The following LRRC4C variants were observed in gnomAD, a reference collection of about 807,000 sequenced individuals.
LRRC4C encodes leucine-rich repeat-containing protein 4C.
Under a neutral mutation model 33.6 loss-of-function variants are expected in LRRC4C, and 5 were observed. The observed-to-expected ratio is 0.15, with a 90% CI of 0.08 to 0.31. LRRC4C has a LOEUF of 0.31. LRRC4C is among the 10% of genes least tolerant of loss of function. LRRC4C has a pLI of 1.00. For synonymous variants in LRRC4C, 329 were observed against 302.0 expected (o/e 1.09, Z -0.93); for missense variants, 560 against 796.7 (o/e 0.70, Z 3.58).
chr11:40,954,503 C>T (rs1250541803), intron 1 of LRRC4C, among the ~76,000 whole-genome samples: 1 of 151,824 alleles, frequency 6.6e-6, no homozygotes, highest in Non-Finnish European at 1.5e-5. Flanking sequence ...ACAACACTCT[C>T]TTATTTGAGT....
intron 5 of LRRC4C, among the ~76,000 whole-genome samples, chr11:40,177,176 A>C (rs1261671152): frequency 6.6e-6 from 1 of 151,574 alleles, no homozygotes; most frequent in Non-Finnish European, 1.5e-5. Context: ...GATGGTCTTG[A>C]TCTCCTGACT....
At chr11:41,031,098 C>T (rs149536805) in intron 1 of LRRC4C, among the ~76,000 whole-genome samples, 55 of 152,052 alleles carry the variant, frequency 3.6e-4, no homozygotes, top group African/African-American at 1.3e-3. Flanking sequence ...AAAACTCATG[C>T]TATTGCTTTC....
At chr11:40,410,816 T>C (rs543598462) in intron 3 of LRRC4C, among the ~76,000 whole-genome samples, 25 of 152,280 alleles carry the variant, frequency 1.6e-4, no homozygotes, top group South Asian at 6.2e-4. Context: ...TGTCATGTTT[T>C]TTTGCTATAG....
chr11:40,430,034 G>T (rs1217287403), intron 3 of LRRC4C, among the ~76,000 whole-genome samples: 1 of 152,072 alleles, frequency 6.6e-6, no homozygotes, highest in Non-Finnish European at 1.5e-5. Flanking sequence ...TCACATTCAA[G>T]ACCAAACAAA....
chr11:40,718,127 T>A (rs1304667974), intron 2 of LRRC4C, among the ~76,000 whole-genome samples: 1 of 152,168 alleles, frequency 6.6e-6, no homozygotes. Context: ...GCCTATGTAA[T>A]CATTTCTGAA....
chr11:40,441,959 G>A (rs914992393), intron 3 of LRRC4C, among the ~76,000 whole-genome samples: 13 of 151,930 alleles, frequency 8.6e-5, no homozygotes, highest in Admixed American at 1.3e-4. Flanking sequence ...TCAGGAGATC[G>A]AGACCATCTT....
chr11:41,387,681 A>C (rs1419249545), intron 1 of LRRC4C, among the ~76,000 whole-genome samples: 1 of 151,764 alleles, frequency 6.6e-6, no homozygotes, highest in South Asian at 2.1e-4. Flanking sequence ...TAATAACTGT[A>C]AACAAAATGT....
At chr11:41,278,187 G>A (rs918523770) in intron 1 of LRRC4C, among the ~76,000 whole-genome samples, 9 of 152,104 alleles carry the variant, frequency 5.9e-5, no homozygotes, top group Admixed American at 5.9e-4. Context: ...TGTATATTAA[G>A]TGTTCTCACC....
chr11:40,419,881 A>G (rs959928573), intron 3 of LRRC4C, among the ~76,000 whole-genome samples: 1 of 152,216 alleles, frequency 6.6e-6, no homozygotes, highest in African/African-American at 2.4e-5. Context: ...GAGCATCTCA[A>G]AAGGTTGAAG....
chr11:40,705,583 C>T (rs1350310176), intron 2 of LRRC4C, among the ~76,000 whole-genome samples: 1 of 146,146 alleles, frequency 6.8e-6, no homozygotes, highest in Admixed American at 7.2e-5. Context: ...ATATGTGCCA[C>T]ATTTTCTTAA....
chr11:41,250,981 T>C (rs938003857), intron 1 of LRRC4C, among the ~76,000 whole-genome samples: 2 of 152,220 alleles, frequency 1.3e-5, no homozygotes, highest in Admixed American at 6.5e-5. Flanking sequence ...TAGATAGTTC[T>C]CTTATATTTT....
At chr11:41,374,348 T>C (rs1340808826) in intron 1 of LRRC4C, among the ~76,000 whole-genome samples, 6 of 152,238 alleles carry the variant, frequency 3.9e-5, no homozygotes, top group Non-Finnish European at 8.8e-5. Flanking sequence ...ATTGATTTTA[T>C]GCATATTATT....
chr11:40,637,289 C>T (rs1941813299), intron 3 of LRRC4C, among the ~76,000 whole-genome samples: 1 of 152,140 alleles, frequency 6.6e-6, no homozygotes, highest in African/African-American at 2.4e-5. Flanking sequence ...TGCCTACAGG[C>T]TTCAACGTCC....
At chr11:41,120,130 G>C (rs1942346432) in intron 1 of LRRC4C, among the ~76,000 whole-genome samples, 1 of 152,076 alleles carries the variant, frequency 6.6e-6, no homozygotes, top group Non-Finnish European at 1.5e-5. Context: ...ATTGAAGGAA[G>C]AGGCCTACCA....
chr11:40,516,230 C>T (rs2135182749), intron 3 of LRRC4C, among the ~76,000 whole-genome samples: 1 of 152,020 alleles, frequency 6.6e-6, no homozygotes, highest in East Asian at 1.9e-4. Flanking sequence ...ATCCTATAAT[C>T]TTATAAGGTA....
At chr11:41,318,117 T>G (rs1396363349) in intron 1 of LRRC4C, among the ~76,000 whole-genome samples, 33 of 152,126 alleles carry the variant, frequency 2.2e-4, no homozygotes, top group Admixed American at 2.1e-3. Flanking sequence ...AAAATCAAGT[T>G]ATGAAACAAT....
At chr11:40,898,931 A>T (rs916763166) in intron 2 of LRRC4C, among the ~76,000 whole-genome samples, 1 of 152,174 alleles carries the variant, frequency 6.6e-6, no homozygotes, top group African/African-American at 2.4e-5. Context: ...GAACTAGCTC[A>T]TCCTATTTCC....
chr11:41,178,476 C>T (rs1945302150), intron 1 of LRRC4C, among the ~76,000 whole-genome samples: 1 of 152,160 alleles, frequency 6.6e-6, no homozygotes, highest in Admixed American at 6.5e-5. Context: ...GCCTCAGCCT[C>T]CTGAGTAGCT....
At chr11:41,230,955 A>G (rs1947764141) in intron 1 of LRRC4C, among the ~76,000 whole-genome samples, 1 of 151,998 alleles carries the variant, frequency 6.6e-6, no homozygotes, top group Middle Eastern at 3.4e-3. Context: ...TGGGCAAAGG[A>G]TATGAACAGA....
Sources: allele counts gnomAD v4.1 joint callset (sites outside exome capture counted in the v4.1 genomes callset), GRCh38; gene constraint gnomAD v4.1.1; transcripts MANE v1.5; gene names NCBI Gene and HGNC (gene_info 2026-07-23, HGNC 2026-07-21).